The following PTGS1 variants were observed in gnomAD, a reference collection of about 807,000 sequenced individuals.
The protein encoded by PTGS1 is prostaglandin G/H synthase 1.
In PTGS1, 40 loss-of-function variants were observed where a neutral mutation model predicts 63.0. The observed-to-expected ratio is 0.63, with a 90% CI of 0.49 to 0.83. The LOEUF (loss-of-function observed/expected upper bound fraction) is 0.83. Among genes scored for constraint, PTGS1 ranks in the 40% least tolerant of loss-of-function variants. The pLI, the probability that PTGS1 is intolerant of heterozygous loss-of-function variation, is 0.00. For synonymous variants in PTGS1, 298 were observed against 301.9 expected (o/e 0.99, Z 0.13); for missense variants, 709 against 786.5 (o/e 0.90, Z 1.18).
chr9:122,382,763 A>G (rs1837600626), intron 7 of PTGS1, among the ~76,000 whole-genome samples: 1 of 152,156 alleles, frequency 6.6e-6, no homozygotes, highest in South Asian at 2.1e-4. Flanking sequence ...CTTGGCATGT[A>G]TTTACTGAAT....
chr9:122,391,372 CATATATATATATACAT>C (rs1223385861), intron 10 of PTGS1, among the ~76,000 whole-genome samples: 12 of 84,664 alleles, frequency 1.4e-4, no homozygotes, highest in South Asian at 3.3e-4. Flanking sequence ...TATATATATA[CATATATATATATACAT>C]ATATATATAC....
At position 122,381,425 on chromosome 9, in the gene PTGS1, G is replaced by GGA; in HGVS notation, c.552_553dup (p.Lys185ArgfsTer44). On this transcript the variant is annotated frameshift_variant, in exon 6 of 11. Transcript: ENST00000362012. LOFTEE classifies it high-confidence loss of function. ...CTGGCCCGCCGCTTCCTGCTCAGGA[G>GGA]GAAGTTCATACCTGACCCCCAAGGC... The GGA allele has an allele frequency of 6.2e-7, 1 of 1,614,178 alleles. No individual in the cohort carries two copies. Among genetic ancestry groups the GGA allele is most frequent in the Admixed American group, 1.7e-5 (1 of 60,026 alleles).
Position 122,381,528 on chromosome 9 carries a change from C to T in PTGS1, c.654C>T (p.Gly218=). The T allele has an allele frequency of 6.2e-7, 1 of 1,614,230 alleles. No individual in the cohort carries two copies. The highest frequency in any genetic ancestry group is 1.1e-5 in the South Asian group (1 of 91,080). Residue 218 remains glycine, a synonymous_variant, in exon 6 of 11, where the codon GGC becomes GGT. Coordinates refer to ENST00000362012, the MANE Select transcript of PTGS1 (RefSeq NM_000962.4). ...AAACTTCTGGCAAGATGGGTCCTGGCTTCACCAAGGCCTTGGGCCATGGGG... is the reference window on the plus strand; with the variant it reads ...AAACTTCTGGCAAGATGGGTCCTGGTTTCACCAAGGCCTTGGGCCATGGGG... The part of the protein sequence containing the change: ...FFKTSGKMGP[G]FTKALGHGVD...
intron 5 of PTGS1, among the ~76,000 whole-genome samples, chr9:122,380,484 A>AATAC (rs920267815): frequency 9.2e-5 from 14 of 151,470 alleles, no homozygotes; most frequent in Admixed American, 2.0e-4. Context: ...TAAATAAATA[A>AATAC]ATAAATAAAT....
intron 2 of PTGS1, among the ~76,000 whole-genome samples, chr9:122,375,790 G>T (rs1239727492): frequency 6.6e-6 from 1 of 152,134 alleles, no homozygotes; most frequent in African/African-American, 2.4e-5. Context: ...GAGGGTTTGG[G>T]GCTAAGGGAG....
rs201201408 is a variant in PTGS1, at chr9:122,378,454, G to T, written c.233G>T (p.Arg78Leu). 1.2e-5 allele frequency: 19 copies of T among 1,614,080 alleles called. No individual in the cohort carries two copies. Among genetic ancestry groups the T allele is most frequent in the Non-Finnish European group, 1.4e-5 (16 of 1,180,042 alleles). Reference protein sequence around the residue: ...CTIPGLWTWLRNSLRPSPSFT... With the variant: ...CTIPGLWTWLLNSLRPSPSFT... ...GCAGCTGGCCTGTGGACCTGGCTCC[G>T]GAATTCACTGCGGCCCAGCCCCTCT... Residue 78 changes from arginine to leucine, a missense_variant, in exon 4 of 11, where the codon CGG becomes CTG. Physicochemically the swap from Arg to Leu is moderately radical, Grantham distance 102 (BLOSUM62 -2). Transcript: ENST00000362012.
chr9:122,391,374 T>TATATAC (rs1564147310), intron 10 of PTGS1, among the ~76,000 whole-genome samples: 964 of 81,428 alleles, frequency 0.012, 19 homozygotes, highest in Middle Eastern at 0.023. Flanking sequence ...TATATATACA[T>TATATAC]ATATATATAT....
upstream of PTGS1, chr9:122,370,996 G>C: frequency 8.5e-6 from 13 of 1,522,950 alleles, no homozygotes; most frequent in East Asian, 2.5e-5. Context: ...GGGGAAGGGT[G>C]GGGAGGGGAT....
chr9:122,376,087 A>G (rs1837135637), intron 2 of PTGS1, among the ~76,000 whole-genome samples: 1 of 151,892 alleles, frequency 6.6e-6, no homozygotes, highest in South Asian at 2.1e-4. Flanking sequence ...CAGACCTCTG[A>G]GCCAGCACGG....
intron 2 of PTGS1, chr9:122,371,676 C>G: frequency 6.8e-7 from 1 of 1,460,542 alleles, no homozygotes; most frequent in African/African-American, 1.4e-5. Flanking sequence ...CAGCCTCTAA[C>G]CGTCTGGGAA....
At chr9:122,373,534 G>T (rs1395008424) in intron 2 of PTGS1, among the ~76,000 whole-genome samples, 1 of 152,156 alleles carries the variant, frequency 6.6e-6, no homozygotes, top group Non-Finnish European at 1.5e-5. Context: ...GAATGCTCAA[G>T]TACTTCCCCT....
Position 122,392,649 on chromosome 9 carries a change from G to A in PTGS1, c.*105G>A. Reference sequence around the variant, plus strand: ...AAATGCTCATTTTCTGGTTTGGCATGGTGAGTGTTGGGGTTGACATTTAGA... The same window carrying A: ...AAATGCTCATTTTCTGGTTTGGCATAGTGAGTGTTGGGGTTGACATTTAGA... On this transcript the variant is annotated 3_prime_UTR_variant, in exon 11 of 11. Transcript: ENST00000362012. 1.0e-6 allele frequency: 1 copy of A among 995,676 alleles called. No individual in the cohort carries two copies. Among genetic ancestry groups the A allele is most frequent in the Non-Finnish European group, 1.5e-6 (1 of 681,558 alleles). The allele number at this position is 995,676 out of a possible 1,614,324, so 61.7% of individuals were successfully genotyped here.
intron 5 of PTGS1, 124 bp from the exon 6 acceptor site, chr9:122,381,247 G>T (rs551445516): frequency 2.3e-6 from 2 of 885,738 alleles, no homozygotes; most frequent in Non-Finnish European, 3.4e-6. Context: ...GTGGTGGGGA[G>T]GTGGTCCTGA....
In PTGS1 at chr9:122,392,659, G is replaced by A; in HGVS notation, c.*115G>A. 2 of 882,208 alleles carry A rather than the reference G, an allele frequency of 2.3e-6. No individual in the cohort carries two copies. The highest frequency in any genetic ancestry group is 1.7e-6 in the Non-Finnish European group (1 of 585,806). 54.6% of individuals were successfully genotyped at this position (882,208 alleles called of 1,614,324 possible). A position where few individuals can be genotyped will look rare whatever the true frequency, so the allele number is the denominator to read the frequency against. The stretch of plus-strand genomic sequence containing the variant: ...TTTCTGGTTTGGCATGGTGAGTGTT[G>A]GGGTTGACATTTAGAACTTTAAGTC... On this transcript the variant is annotated 3_prime_UTR_variant, in exon 11 of 11. Coordinates refer to ENST00000362012, the MANE Select transcript of PTGS1 (RefSeq NM_000962.4).
At chr9:122,384,589 AT>A (rs1837756582) in intron 8 of PTGS1, among the ~76,000 whole-genome samples, 1 of 152,148 alleles carries the variant, frequency 6.6e-6, no homozygotes, top group African/African-American at 2.4e-5. Context: ...CTAGGGCACC[AT>A]TTAACTCCCC....
rs1838366430 is a variant in PTGS1, at chr9:122,392,754, A to G, written c.*210A>G. On this transcript the variant is annotated 3_prime_UTR_variant, in exon 11 of 11. Coordinates refer to ENST00000362012, the MANE Select transcript of PTGS1 (RefSeq NM_000962.4). The stretch of plus-strand genomic sequence containing the variant: ...ATGCTGAACTCCTTGTTAGCCCTTC[A>G]GATTGTTAGGAGTGGTTCTCATTTG... The G allele has an allele frequency of 1.9e-6, 1 of 534,738 alleles. No individual in the cohort carries two copies. Among genetic ancestry groups the G allele is most frequent in the Non-Finnish European group, 3.3e-6 (1 of 304,398 alleles). The allele number at this position is 534,738 out of a possible 1,614,324, so 33.1% of individuals were successfully genotyped here.
chr9:122,380,782 C>T (rs10306145), intron 5 of PTGS1, among the ~76,000 whole-genome samples: 41,444 of 152,104 alleles, frequency 0.27, 9,223 homozygotes, highest in African/African-American at 0.61. Flanking sequence ...CATTATCTCT[C>T]GCAGTCCTCA....
At chr9:122,383,207 CTTTTTTTT>C (rs556984692) in intron 7 of PTGS1, among the ~76,000 whole-genome samples, 1 of 70,498 alleles carries the variant, frequency 1.4e-5, no homozygotes, top group Non-Finnish European at 2.4e-5. Flanking sequence ...TTTTTTTTTT[CTTTTTTTT>C]TTTTTTCTTT....
intron 9 of PTGS1, among the ~76,000 whole-genome samples, chr9:122,388,642 A>G (rs1025552844): frequency 6.6e-6 from 1 of 152,176 alleles, no homozygotes; most frequent in Non-Finnish European, 1.5e-5. Context: ...GTCTGAATTC[A>G]AGGTGTCAGC....
Sources: allele counts gnomAD v4.1 joint callset (sites outside exome capture counted in the v4.1 genomes callset), GRCh38; gene constraint gnomAD v4.1.1; transcripts MANE v1.5; gene names NCBI Gene and HGNC (gene_info 2026-07-23, HGNC 2026-07-21).